Variants in PTPRN2 observed in about 807,000 individuals in gnomAD.
PTPRN2 encodes protein tyrosine phosphatase receptor type N2, also known as receptor-type tyrosine-protein phosphatase N2.
Under a neutral mutation model 118.8 loss-of-function variants are expected in PTPRN2, and 74 were observed. The ratio of observed to expected loss-of-function variants is 0.62; its 90% CI spans 0.52 to 0.76. PTPRN2 has a LOEUF of 0.76. PTPRN2 is among the 30% of genes least tolerant of loss of function. PTPRN2 has a pLI of 0.00. For missense variants in PTPRN2, 1,481 were observed against 1,394.4 expected, an observed-to-expected ratio of 1.06 and a Z score of -0.99; for synonymous variants, 641 against 608.0, an observed-to-expected ratio of 1.05 and a Z score of -0.80.
At chr7:157,898,822 A>C in intron 11 of PTPRN2, 85 bp from the exon 12 acceptor site, 1 of 1,238,656 alleles carries the variant, frequency 8.1e-7, no homozygotes, top group South Asian at 1.2e-5. Context: ...CCTCCATTGA[A>C]AATTTCAATT....
In PTPRN2 at chr7:157,671,198, C is replaced by T. The variant is rs60919711; in HGVS notation, c.2001+11527G>A. 0.02 allele frequency among the ~76,000 whole-genome samples: 3,058 copies of T among 152,128 alleles called. 83 individuals carry two copies. Among genetic ancestry groups the T allele is most frequent in the South Asian group, 0.095 (455 of 4,814 alleles). ...TTCTTATCGAGCATGTAAAGGTCCC[C>T]GGTGGGTGCTGTGGGTCTATTGGAC... is the stretch of plus-strand genomic sequence containing the variant. On this transcript the variant is annotated intron_variant, in intron 13 of 22. Coordinates refer to ENST00000389418, the MANE Select transcript of PTPRN2 (RefSeq NM_002847.5). The surrounding 1 kb of genome is among the most constrained non-coding windows in gnomAD (Gnocchi z 4.1).
At chr7:158,434,007 T>TC in intron 2 of PTPRN2, among the ~76,000 whole-genome samples, 2 of 152,304 alleles carry the variant, frequency 1.3e-5, no homozygotes, top group African/African-American at 4.8e-5. Context: ...GATTTTTTTT[T>TC]CCATTTGTTT....
chr7:158,341,999 C>A (rs1198027991), intron 2 of PTPRN2, among the ~76,000 whole-genome samples: 1 of 149,962 alleles, frequency 6.7e-6, no homozygotes, highest in East Asian at 2.0e-4. Flanking sequence ...TAAGAGGTGA[C>A]ACCTGCAGAC....
intron 2 of PTPRN2, among the ~76,000 whole-genome samples, chr7:158,439,128 C>T (rs974578498): frequency 7.2e-5 from 11 of 152,212 alleles, no homozygotes; most frequent in Non-Finnish European, 1.3e-4. Context: ...CCAGTCATCC[C>T]GCCTTACTGG....
intron 12 of PTPRN2, among the ~76,000 whole-genome samples, chr7:157,815,685 C>T (rs940147627): frequency 3.9e-4 from 60 of 152,208 alleles, no homozygotes; most frequent in African/African-American, 1.4e-3. Context: ...AGGAGAGAGC[C>T]ACCCACATCC....
rs76866979 is a variant in PTPRN2, at chr7:157,571,732, A to G, written c.2784-239T>C. Among the ~76,000 whole-genome samples, 1,443 of 152,332 alleles carry G rather than the reference A, an allele frequency of 9.5e-3. 24 individuals carry two copies. The highest frequency in any genetic ancestry group is 0.033 in the African/African-American group (1,366 of 41,572). On this transcript the variant is annotated intron_variant, in intron 19 of 22. Transcript: ENST00000389418. ...CACCTCTACACTGCTTTCTTCTTCC[A>G]AGGAGGGGTGCCAGGCTTTGAACCA...
rs577727775 is a variant in PTPRN2 at position 158,391,794 on chromosome 7, G to A, written c.164-74862C>T. Among the ~76,000 whole-genome samples the A allele has an allele frequency of 7.7e-4, 117 of 152,316 alleles. 3 individuals carry two copies. The South Asian group carries it at 0.022, about 29-fold the overall frequency. ...TGCCAGGCCCTGGTCAGTACCGGGG[G>A]CGGGGGAGGAAAGGAGCTGCACCCC... On this transcript the variant is annotated intron_variant, in intron 2 of 22. Transcript: ENST00000389418.
At chr7:158,188,901 G>A (rs552186509) in intron 5 of PTPRN2, among the ~76,000 whole-genome samples, 16 of 152,240 alleles carry the variant, frequency 1.1e-4, no homozygotes, top group South Asian at 2.1e-4. Context: ...ACGAGGCCAC[G>A]GGCCCTTTGG....
chr7:157,606,055 C>T (rs1801983338), intron 15 of PTPRN2, among the ~76,000 whole-genome samples: 1 of 152,266 alleles, frequency 6.6e-6, no homozygotes, highest in African/African-American at 2.4e-5. Context: ...CTCAGCCCTC[C>T]TTCGGCTTCC....
chr7:158,501,206 A>C (rs1028117024), intron 1 of PTPRN2, among the ~76,000 whole-genome samples: 20 of 152,318 alleles, frequency 1.3e-4, no homozygotes, highest in African/African-American at 4.3e-4. Flanking sequence ...CAGAGGGGAA[A>C]TCATCACTCC....
At chr7:157,727,073 G>C (rs891197708) in intron 12 of PTPRN2, among the ~76,000 whole-genome samples, 2 of 152,186 alleles carry the variant, frequency 1.3e-5, no homozygotes, top group Non-Finnish European at 2.9e-5. Flanking sequence ...ACAGGGTGGC[G>C]GTTCCTCAGA....
At chr7:157,946,298 A>T (rs1162298994) in intron 11 of PTPRN2, among the ~76,000 whole-genome samples, 1 of 152,158 alleles carries the variant, frequency 6.6e-6, no homozygotes, top group Non-Finnish European at 1.5e-5. Context: ...AAAAAAAAAA[A>T]GTAAAATCCA....
intron 2 of PTPRN2, among the ~76,000 whole-genome samples, chr7:158,346,093 A>G (rs1300688556): frequency 6.6e-6 from 1 of 152,236 alleles, no homozygotes; most frequent in African/African-American, 2.4e-5. Flanking sequence ...TATGAATACA[A>G]TGTGGAATAA....
chr7:158,008,805 T>C (rs1805844770), intron 11 of PTPRN2, among the ~76,000 whole-genome samples: 3 of 152,246 alleles, frequency 2.0e-5, no homozygotes, highest in Admixed American at 1.3e-4. Flanking sequence ...CGCACGTGTC[T>C]GTCTTTCTCA....
intron 1 of PTPRN2, among the ~76,000 whole-genome samples, chr7:158,586,755 CG>C (rs370799058): frequency 6.6e-6 from 1 of 152,122 alleles, no homozygotes; most frequent in African/African-American, 2.4e-5. Context: ...GCGCTGCCCG[CG>C]GGGGGGTGCG....
chr7:157,963,765 T>TC (rs138378931), intron 11 of PTPRN2, among the ~76,000 whole-genome samples: 2,860 of 152,352 alleles, frequency 0.019, 37 homozygotes, highest in Middle Eastern at 0.038. Flanking sequence ...TCGGTGCTAG[T>TC]CCACCCGGGA....
At chr7:158,084,487 T>C (rs1051868232) in intron 10 of PTPRN2, among the ~76,000 whole-genome samples, 1 of 152,072 alleles carries the variant, frequency 6.6e-6, no homozygotes, top group African/African-American at 2.4e-5. Flanking sequence ...CATGTGCATA[T>C]TGCCAGCATC....
chr7:158,047,248 A>G (rs1380986061), intron 11 of PTPRN2, among the ~76,000 whole-genome samples: 3 of 152,244 alleles, frequency 2.0e-5, no homozygotes, highest in Non-Finnish European at 4.4e-5. Flanking sequence ...AAGTCCAAAA[A>G]AGCCAGGCTG....
At chr7:158,340,924 G>A (rs1352343493) in intron 2 of PTPRN2, among the ~76,000 whole-genome samples, 2 of 82,320 alleles carry the variant, frequency 2.4e-5, no homozygotes, top group African/African-American at 4.4e-5. Flanking sequence ...ACCCACACAC[G>A]TCAATCACAC....
Sources: allele counts gnomAD v4.1 joint callset (sites outside exome capture counted in the v4.1 genomes callset), GRCh38; gene constraint gnomAD v4.1.1; non-coding constraint Gnocchi (gnomAD v3.1); transcripts MANE v1.5; gene names NCBI Gene and HGNC (gene_info 2026-07-23, HGNC 2026-07-21).